SAR1A: variants seen among roughly 807,000 people sequenced by gnomAD.
SAR1A encodes the protein small COPII coat GTPase SAR1A.
A neutral mutation model predicts 22.6 loss-of-function variants in SAR1A; 6 were observed. The observed-to-expected ratio is 0.27, with a 90% CI of 0.15 to 0.52. The LOEUF is 0.52. Among genes scored for constraint, SAR1A ranks in the 20% least tolerant of loss-of-function variants. SAR1A has a pLI of 0.96. For synonymous variants in SAR1A, 70 were observed against 82.2 expected, an observed-to-expected ratio of 0.85 and a Z score of 0.80; for missense variants, 145 against 245.1, an observed-to-expected ratio of 0.59 and a Z score of 2.73.
intron 1 of SAR1A, among the ~76,000 whole-genome samples, chr10:70,165,570 T>A (rs1211004020): frequency 6.6e-6 from 1 of 152,180 alleles, no homozygotes; most frequent in Non-Finnish European, 1.5e-5. Context: ...AGCCTGAAGA[T>A]GTGACAACTG....
chr10:70,169,334 T>C (rs1316760654), intron 1 of SAR1A, among the ~76,000 whole-genome samples: 1 of 152,116 alleles, frequency 6.6e-6, no homozygotes, highest in East Asian at 1.9e-4. Context: ...CGAAGTTCTC[T>C]TCCTTACAAC....
In SAR1A at chr10:70,151,804, A is replaced by G. The variant is rs1839329867; in HGVS notation, c.*672T>C. On this transcript the variant is annotated 3_prime_UTR_variant, in exon 7 of 7. Coordinates refer to ENST00000373241, the MANE Select transcript of SAR1A (RefSeq NM_020150.5). ...GCTACACATTCCTTGATGAGGAATG[A>G]ACCTAGCTTACCACAGTGGAAACCT... 1 of 152,802 alleles carries G rather than the reference A, an allele frequency of 6.5e-6. No homozygotes were observed. Among genetic ancestry groups the G allele is most frequent in the Non-Finnish European group, 1.5e-5 (1 of 68,488 alleles). The allele number at this position is 152,802 out of a possible 1,614,324, so 9.5% of individuals were successfully genotyped here. A position where few individuals can be genotyped will look rare whatever the true frequency, so the allele number is the denominator to read the frequency against.
intron 1 of SAR1A, chr10:70,164,184 T>C: frequency 1.6e-6 from 1 of 631,304 alleles, no homozygotes; most frequent in Non-Finnish European, 2.9e-6. Context: ...ATTTGCCTTT[T>C]GTTTGTAACT....
At chr10:70,161,553 A>C in intron 3 of SAR1A, 66 bp downstream of exon 3, 16 of 1,561,262 alleles carry the variant, frequency 1.0e-5, no homozygotes, top group East Asian at 2.2e-5. Context: ...CCAACTAGGG[A>C]TTCATCCTCC....
At chr10:70,164,347 C>T (rs376233928) in intron 1 of SAR1A, among the ~76,000 whole-genome samples, 3 of 152,288 alleles carry the variant, frequency 2.0e-5, no homozygotes, top group African/African-American at 7.2e-5. Context: ...TGGCTTACTC[C>T]GGATATATCT....
intron 5 of SAR1A, 52 bp downstream of exon 5, chr10:70,157,712 C>A (rs761332613): frequency 7.2e-7 from 1 of 1,386,572 alleles, no homozygotes; most frequent in Non-Finnish European, 1.0e-6. Flanking sequence ...AAAATAGAGG[C>A]CAAAAAAGAA....
chr10:70,158,313 T>A (rs1293602396), intron 4 of SAR1A, among the ~76,000 whole-genome samples: 1 of 152,226 alleles, frequency 6.6e-6, no homozygotes, highest in Admixed American at 6.5e-5. Flanking sequence ...AACATCAGGA[T>A]ACAAATTACT....
At chr10:70,160,467 G>A (rs1026958654) in intron 4 of SAR1A, among the ~76,000 whole-genome samples, 3 of 152,200 alleles carry the variant, frequency 2.0e-5, no homozygotes, top group Admixed American at 2.0e-4. Flanking sequence ...TATGTATTAT[G>A]TAGGGAGGAG....
chr10:70,160,267 T>C lies in SAR1A; in HGVS notation c.244+737A>G, dbSNP rs138064571. The stretch of plus-strand genomic sequence containing the variant: ...CTGGATTTGATAACTATTATGATTA[T>C]ATACAAGGAAATATCTTTGTTCTTA... On this transcript the variant is annotated intron_variant, in intron 4 of 6. Transcript: ENST00000373241. Among the ~76,000 whole-genome samples the C allele has an allele frequency of 1.9e-4, 29 of 152,142 alleles. No individual in the cohort carries two copies. In the South Asian group the frequency reaches 2.3e-3, roughly 12 times the overall value.
At chr10:70,160,216 T>C (rs1283283881) in intron 4 of SAR1A, among the ~76,000 whole-genome samples, 1 of 150,926 alleles carries the variant, frequency 6.6e-6, no homozygotes, top group Non-Finnish European at 1.5e-5. Context: ...AAAAAGGAAA[T>C]ACAGAGTGGA....
chr10:70,160,953 G>T, intron 4 of SAR1A, 51 bp downstream of exon 4: 1 of 1,299,226 alleles, frequency 7.7e-7, no homozygotes, highest in Non-Finnish European at 1.1e-6. Context: ...GAGCTGGGAG[G>T]CACAAAAAAA....
Position 70,157,826 on chromosome 10 carries a change from T to A in SAR1A, c.286A>T (p.Ile96Phe). The A allele has an allele frequency of 6.2e-7, 1 of 1,613,800 alleles. No individual in the cohort carries two copies. The highest frequency in any genetic ancestry group is 8.5e-7 in the Non-Finnish European group (1 of 1,179,902). The change falls in exon 5 of 7, where the codon ATT (isoleucine) becomes TTT (phenylalanine). Residue 96 changes from isoleucine (I) to phenylalanine (F), a missense_variant. By Grantham distance (21) the Ile-to-Phe change is conservative. This residue lies in a region of SAR1A where 40 missense variants were observed against 105.7 expected (regional missense o/e 0.38). Coordinates refer to ENST00000373241, the MANE Select transcript of SAR1A (RefSeq NM_020150.5). Reference sequence around the variant, plus strand: ...TCTGCACAGTCCACCAGAAAGACAATCCCATTAATTGCTGGGAGATAATTT... The same window carrying A: ...TCTGCACAGTCCACCAGAAAGACAAACCCATTAATTGCTGGGAGATAATTT... ...WKNYLPAING[I>F]VFLVDCADHS...
At chr10:70,165,082 G>A (rs536121978) in intron 1 of SAR1A, among the ~76,000 whole-genome samples, 14 of 151,900 alleles carry the variant, frequency 9.2e-5, no homozygotes, top group South Asian at 2.1e-4. Flanking sequence ...CGGCTAAAAC[G>A]GTGAAACCCC....
intron 1 of SAR1A, among the ~76,000 whole-genome samples, chr10:70,169,720 G>A (rs530249226): frequency 6.6e-6 from 1 of 152,192 alleles, no homozygotes; most frequent in Non-Finnish European, 1.5e-5. Flanking sequence ...GCCCCATGGC[G>A]AATCTCCCTA....
At chr10:70,166,066 T>C (rs1366668006) in intron 1 of SAR1A, among the ~76,000 whole-genome samples, 1 of 152,238 alleles carries the variant, frequency 6.6e-6, no homozygotes, top group Admixed American at 6.5e-5. Context: ...CCATAAAGTA[T>C]TTTTTAAATA....
intron 1 of SAR1A, chr10:70,167,303 T>C (rs927298740): frequency 2.6e-5 from 4 of 152,000 alleles, no homozygotes; most frequent in African/African-American, 9.7e-5. Context: ...ACACTTTTAC[T>C]CCTCTCCATC....
intron 6 of SAR1A, among the ~76,000 whole-genome samples, 186 bp from the exon 7 acceptor site, chr10:70,152,778 A>G (rs572528825): frequency 6.6e-6 from 1 of 152,380 alleles, no homozygotes; most frequent in East Asian, 1.9e-4. Context: ...TAGAATAAGC[A>G]GCACAGTTCT....
intron 1 of SAR1A, among the ~76,000 whole-genome samples, chr10:70,165,430 T>C (rs1589878952): frequency 1.3e-5 from 2 of 152,032 alleles, no homozygotes; most frequent in African/African-American, 4.8e-5. Flanking sequence ...GGTCAAAATA[T>C]CAATATTAAC....
chr10:70,169,551 G>A (rs1839597691), intron 1 of SAR1A, among the ~76,000 whole-genome samples: 1 of 152,166 alleles, frequency 6.6e-6, no homozygotes, highest in Non-Finnish European at 1.5e-5. Context: ...AATAGAAAAG[G>A]AGGGCACCAA....
Sources: gnomAD v4.1 joint callset for allele counts (sites outside exome capture counted in the v4.1 genomes callset) on GRCh38, gnomAD v4.1.1 for gene constraint, gnomAD v4.1.1 regional missense constraint, MANE v1.5 for transcripts, NCBI Gene and HGNC (gene_info 2026-07-23, HGNC 2026-07-21) for gene names.